The following DSC3 variants were observed in gnomAD, a reference collection of about 807,000 sequenced individuals.
DSC3 encodes the protein desmocollin 3.
Under a neutral mutation model 89.5 loss-of-function variants are expected in DSC3, and 97 were observed. The observed-to-expected ratio is 1.08, with a 90% CI of 0.92 to 1.28. DSC3 has a LOEUF of 1.28. DSC3 is among the 50% of genes most tolerant of loss of function. The probability of loss-of-function intolerance (pLI) is 0.00; values close to 1 mark genes in which losing one functional copy is unlikely to be tolerated. For missense variants in DSC3, 1,199 were observed against 1,085.3 expected, an observed-to-expected ratio of 1.10 and a Z score of -1.47; for synonymous variants, 436 against 384.1, an observed-to-expected ratio of 1.14 and a Z score of -1.58.
chr18:31,023,097 T>C (rs1167093800), intron 6 of DSC3, among the ~76,000 whole-genome samples: 1 of 151,986 alleles, frequency 6.6e-6, no homozygotes, highest in Non-Finnish European at 1.5e-5. Flanking sequence ...GGCATCGAAG[T>C]GTTTGTCCTT....
intron 1 of DSC3, among the ~76,000 whole-genome samples, chr18:31,040,380 T>G (rs1186388253): frequency 2.6e-5 from 4 of 152,198 alleles, no homozygotes; most frequent in Non-Finnish European, 5.9e-5. Context: ...TAAATTAGTT[T>G]CCACCATCCC....
intron 1 of DSC3, among the ~76,000 whole-genome samples, chr18:31,032,603 CGTGT>C (rs1985838041): frequency 8.4e-5 from 8 of 95,286 alleles, no homozygotes; most frequent in African/African-American, 2.9e-4. Flanking sequence ...TGTGCGTGTG[CGTGT>C]GCGTGTGTGA....
intron 1 of DSC3, among the ~76,000 whole-genome samples, chr18:31,034,599 A>T (rs1352242663): frequency 6.6e-6 from 1 of 152,250 alleles, no homozygotes; most frequent in African/African-American, 2.4e-5. Flanking sequence ...ATTATTCACA[A>T]TAGGCAAAAA....
At chr18:30,997,883 G>A (rs537258286) in intron 14 of DSC3, among the ~76,000 whole-genome samples, 1 of 152,224 alleles carries the variant, frequency 6.6e-6, no homozygotes, top group South Asian at 2.1e-4. Flanking sequence ...AGGGTCTGGA[G>A]GCAAAAGGCA....
At chr18:31,026,053 G>A in intron 4 of DSC3, 138 bp from the exon 5 acceptor site, 1 of 874,882 alleles carries the variant, frequency 1.1e-6, no homozygotes, top group Non-Finnish European at 1.7e-6. Flanking sequence ...AATAACCATT[G>A]TTGGCAAGAG....
At chr18:31,000,203 GTCGTTGTCC>G (rs1984606654) in intron 14 of DSC3, among the ~76,000 whole-genome samples, 1 of 152,076 alleles carries the variant, frequency 6.6e-6, no homozygotes, top group Admixed American at 6.6e-5. Context: ...TGGATATGTA[GTCGTTGTCC>G]CTGGCTATAG....
chr18:31,030,856 A>C lies in DSC3; in HGVS notation c.354+117T>G, dbSNP rs1247006970. On this transcript the variant is annotated intron_variant, in intron 3 of 15. Transcript: ENST00000360428. ...AATGGAAACGAAGTGAAAGGAAAGGAAACAAAATGAAAACAAAAGGGGAAA... is the reference window on the plus strand; with the variant it reads ...AATGGAAACGAAGTGAAAGGAAAGGCAACAAAATGAAAACAAAAGGGGAAA... 6 of 954,478 alleles carry C rather than the reference A, an allele frequency of 6.3e-6. No homozygotes were observed. The Admixed American group carries it at 1.0e-4, about 17-fold the overall frequency. The allele number at this position is 954,478 out of a possible 1,614,324, so 59.1% of individuals were successfully genotyped here.
At chr18:31,040,475 C>T (rs1986096478) in intron 1 of DSC3, among the ~76,000 whole-genome samples, 1 of 152,116 alleles carries the variant, frequency 6.6e-6, no homozygotes, top group African/African-American at 2.4e-5. Context: ...CTCTGATATA[C>T]TTCTTTTTTT....
chr18:31,041,166 G>A (rs1458627343), intron 1 of DSC3, among the ~76,000 whole-genome samples: 1 of 152,120 alleles, frequency 6.6e-6, no homozygotes, highest in Non-Finnish European at 1.5e-5. Flanking sequence ...GAGCGAATGC[G>A]AGAAATTCTG....
intron 4 of DSC3, among the ~76,000 whole-genome samples, chr18:31,029,085 CA>C (rs1985693812): frequency 6.6e-6 from 1 of 152,176 alleles, no homozygotes; most frequent in Non-Finnish European, 1.5e-5. Context: ...ATGTTCATCT[CA>C]TTTGTTACCA....
chr18:30,993,929 G>T lies in DSC3; in HGVS notation c.*246C>A. 3 of 358,628 alleles carry T rather than the reference G, an allele frequency of 8.4e-6. No individual in the cohort carries two copies. Among genetic ancestry groups the T allele is most frequent in the Non-Finnish European group, 1.5e-5 (3 of 194,412 alleles). 22.2% of individuals were successfully genotyped at this position (358,628 alleles called of 1,614,324 possible). A position where few individuals can be genotyped will look rare whatever the true frequency, so the allele number is the denominator to read the frequency against. On this transcript the variant is annotated 3_prime_UTR_variant, in exon 16 of 16. Coordinates refer to ENST00000360428, the MANE Select transcript of DSC3 (RefSeq NM_001941.5). ...AAAATATCCGTAAAAAAAAAAAAGA[G>T]CAGATGCTTTAGAGACCTTAATTCC...
intron 7 of DSC3, among the ~76,000 whole-genome samples, chr18:31,021,057 T>C (rs80234480): frequency 1.9e-5 from 2 of 106,500 alleles, no homozygotes; most frequent in Admixed American, 1.0e-4. Flanking sequence ...AAATTCACTG[T>C]TTTTTTTTTT....
intron 1 of DSC3, among the ~76,000 whole-genome samples, chr18:31,038,569 C>T (rs1289340864): frequency 6.6e-6 from 1 of 152,034 alleles, no homozygotes; most frequent in East Asian, 1.9e-4. Flanking sequence ...TTTATGTATG[C>T]CTTTTCTATT....
chr18:31,005,215 T>G (rs1984798323), intron 12 of DSC3, among the ~76,000 whole-genome samples: 1 of 152,160 alleles, frequency 6.6e-6, no homozygotes, highest in South Asian at 2.1e-4. Flanking sequence ...CACTTGGGTT[T>G]ACTTAGGACC....
At chr18:31,014,297 G>C (rs1360196505) in intron 9 of DSC3, among the ~76,000 whole-genome samples, 2 of 151,860 alleles carry the variant, frequency 1.3e-5, no homozygotes, top group Non-Finnish European at 2.9e-5. Flanking sequence ...AAATGTATTT[G>C]TTTTTAAAAA....
At chr18:31,040,195 T>C (rs1333051713) in intron 1 of DSC3, among the ~76,000 whole-genome samples, 1 of 152,152 alleles carries the variant, frequency 6.6e-6, no homozygotes, top group Non-Finnish European at 1.5e-5. Flanking sequence ...ACTATTTTAG[T>C]TCCTTTAGAA....
rs958322187 is a variant in DSC3 at position 31,001,101 on chromosome 18, A to G, written c.2235+517T>C. On this transcript the variant is annotated intron_variant, in intron 14 of 15. Transcript: ENST00000360428. ...ACTTTGTGTGTGTGTATATATATAT[A>G]TATATATATATACTTTACACAAAAC... is the stretch of plus-strand genomic sequence containing the variant. 2.7e-4 allele frequency among the ~76,000 whole-genome samples: 40 copies of G among 147,322 alleles called. 1 individual carries two copies. In the East Asian group the frequency reaches 7.1e-3, roughly 26 times the overall value.
intron 9 of DSC3, among the ~76,000 whole-genome samples, chr18:31,010,145 T>G (rs140547126): frequency 6.6e-6 from 1 of 152,360 alleles, no homozygotes; most frequent in African/African-American, 2.4e-5. Context: ...AGTAAGACAT[T>G]AGTATCACGA....
intron 3 of DSC3, 51 bp downstream of exon 3, chr18:31,030,922 A>G (rs1198546285): frequency 2.0e-6 from 3 of 1,486,622 alleles, no homozygotes; most frequent in Non-Finnish European, 1.8e-6. Flanking sequence ...ATTTTTAATA[A>G]GAGTATTTTA....
Sources: allele counts gnomAD v4.1 joint callset (sites outside exome capture counted in the v4.1 genomes callset), GRCh38; gene constraint gnomAD v4.1.1; transcripts MANE v1.5; gene names NCBI Gene and HGNC (gene_info 2026-07-23, HGNC 2026-07-21).